PTPN3: variants seen among roughly 807,000 people sequenced by gnomAD.
The protein encoded by PTPN3 is protein tyrosine phosphatase non-receptor type 3.
A neutral mutation model predicts 132.7 loss-of-function variants in PTPN3; 96 were observed. The ratio of observed to expected loss-of-function variants is 0.72; its 90% CI spans 0.61 to 0.86. PTPN3 has a LOEUF of 0.86. PTPN3 is among the 40% of genes least tolerant of loss of function. The probability of loss-of-function intolerance (pLI) is 0.00; values close to 1 mark genes in which losing one functional copy is unlikely to be tolerated. For missense variants in PTPN3, 1,125 were observed against 1,159.6 expected, an observed-to-expected ratio of 0.97 and a Z score of 0.43; for synonymous variants, 398 against 429.0, an observed-to-expected ratio of 0.93 and a Z score of 0.89.
chr9:109,425,571 C>T (rs1364389331), intron 12 of PTPN3, among the ~76,000 whole-genome samples: 3 of 151,690 alleles, frequency 2.0e-5, no homozygotes, highest in East Asian at 1.9e-4. Context: ...ATCAGCTGGG[C>T]GTGGTGGTGG....
the PTPN3 span, among the ~76,000 whole-genome samples, chr9:109,521,251 C>T: frequency 2.6e-5 from 4 of 152,186 alleles, no homozygotes; most frequent in African/African-American, 4.8e-5. Context: ...CTCCACCTCC[C>T]AGGCTCAAGC....
chr9:109,388,041 C>T lies in PTPN3; in HGVS notation c.2253+1192G>A, dbSNP rs376918161. Among the ~76,000 whole-genome samples the T allele has an allele frequency of 1.6e-3, 241 of 152,184 alleles. 1 individual carries two copies. Among genetic ancestry groups the T allele is most frequent in the African/African-American group, 5.5e-3 (230 of 41,524 alleles). ...AGAGTAGCACAGCGAGGCTGGGGAG[C>T]GGGGGTGGACTCCAGCCAGCTGCAC... On this transcript the variant is annotated intron_variant, in intron 22 of 25. Transcript: ENST00000374541.
chr9:109,519,413 G>A, the PTPN3 span, among the ~76,000 whole-genome samples: 7 of 152,226 alleles, frequency 4.6e-5, no homozygotes, highest in Non-Finnish European at 8.8e-5. Flanking sequence ...TGTATTAAAT[G>A]TATTTTTGAC....
chr9:109,461,976 G>A (rs1845863828), intron 2 of PTPN3, among the ~76,000 whole-genome samples: 1 of 152,150 alleles, frequency 6.6e-6, no homozygotes. Flanking sequence ...TTAGACTTTG[G>A]AGACACCTAA....
chr9:109,504,830 T>C, the PTPN3 span, among the ~76,000 whole-genome samples: 2 of 152,212 alleles, frequency 1.3e-5, no homozygotes, highest in Non-Finnish European at 2.9e-5. Flanking sequence ...CGATGAGACA[T>C]GCAGAGAGTG....
In PTPN3 at chr9:109,403,451, T is replaced by C. The variant is rs571675737; in HGVS notation, c.1953+997A>G. On this transcript the variant is annotated intron_variant, in intron 19 of 25. Transcript: ENST00000374541. Reference sequence around the variant, plus strand: ...GAACCCAGACTGTTGTTATTTCTAATGATGATCTATTTTCTTTTGTTGACC... The same window carrying C: ...GAACCCAGACTGTTGTTATTTCTAACGATGATCTATTTTCTTTTGTTGACC... 1.2e-4 allele frequency among the ~76,000 whole-genome samples: 19 copies of C among 152,364 alleles called. No homozygotes were observed. In the East Asian group the frequency reaches 2.9e-3, roughly 23 times the overall value.
chr9:109,425,906 C>T (rs1466087330), intron 12 of PTPN3, among the ~76,000 whole-genome samples: 14 of 149,672 alleles, frequency 9.4e-5, no homozygotes, highest in Non-Finnish European at 1.6e-4. Context: ...CCTAGCTACT[C>T]GGGAGGCTGA....
the PTPN3 span, among the ~76,000 whole-genome samples, chr9:109,518,314 C>A: frequency 6.6e-6 from 1 of 152,214 alleles, no homozygotes; most frequent in Non-Finnish European, 1.5e-5. Flanking sequence ...GAAAAGAACT[C>A]AGACATGGCA....
At chr9:109,499,878 G>C (rs1847835353), upstream of PTPN3, among the ~76,000 whole-genome samples, 1 of 152,146 alleles carries the variant, frequency 6.6e-6, no homozygotes, top group Non-Finnish European at 1.5e-5. Context: ...GCCTCGAGTC[G>C]CCAGCAAAAC....
chr9:109,408,592 G>A (rs1424364727), intron 16 of PTPN3, among the ~76,000 whole-genome samples: 1 of 151,550 alleles, frequency 6.6e-6, no homozygotes, highest in African/African-American at 2.4e-5. Flanking sequence ...GATCCAGCGG[G>A]CTGACCAGGA....
In PTPN3 at chr9:109,438,172, T is replaced by C. The variant is rs145013735; in HGVS notation, c.529A>G (p.Ile177Val). 30 of 1,613,632 alleles carry C rather than the reference T, an allele frequency of 1.9e-5. No individual in the cohort carries two copies. Among genetic ancestry groups the C allele is most frequent in the Admixed American group, 5.0e-5 (3 of 60,008 alleles). ...AAAAAGTCCTCATTTTGATCGGGTA[T>C]AAAGTGACTATCGGAAAGATAGCCT... ...HPGYLSDSHF[I>V]PDQNEDFLTK... The change falls in exon 8 of 26, where the codon ATA (isoleucine) becomes GTA (valine). Residue 177 changes from isoleucine to valine, a missense_variant. Transcript: ENST00000374541.
chr9:109,436,758 C>T, intron 9 of PTPN3, 125 bp downstream of exon 9: 1 of 1,376,668 alleles, frequency 7.3e-7, no homozygotes, highest in Non-Finnish European at 9.5e-7. Flanking sequence ...AATAAACCTT[C>T]CAAATATCTT....
At chr9:109,528,857 A>C in the PTPN3 span, among the ~76,000 whole-genome samples, 2 of 151,976 alleles carry the variant, frequency 1.3e-5, no homozygotes, top group Non-Finnish European at 2.9e-5. Context: ...GTACATATCT[A>C]ATCATCTTAA....
chr9:109,376,070 A>T lies in PTPN3; in HGVS notation c.*3486T>A, dbSNP rs1001245373. 6.6e-6 allele frequency: 1 copy of T among 152,268 alleles called. No individual in the cohort carries two copies. The highest frequency in any genetic ancestry group is 6.5e-5 in the Admixed American group (1 of 15,288). The allele number at this position is 152,268 out of a possible 1,614,324, so 9.4% of individuals were successfully genotyped here. On this transcript the variant is annotated 3_prime_UTR_variant, in exon 26 of 26. Transcript: ENST00000374541. Reference sequence around the variant, plus strand: ...GGACAAACTCTTGGTGACAAGTCTCAGAAATGTGACATGTCTCTGTAGCAG... The same window carrying T: ...GGACAAACTCTTGGTGACAAGTCTCTGAAATGTGACATGTCTCTGTAGCAG...
chr9:109,446,691 C>T (rs913075941), intron 6 of PTPN3, among the ~76,000 whole-genome samples: 1 of 152,068 alleles, frequency 6.6e-6, no homozygotes, highest in African/African-American at 2.4e-5. Flanking sequence ...GAGGAGGTTC[C>T]CTCTAGATGG....
At chr9:109,532,961 T>C in the PTPN3 span, 3 of 471,534 alleles carry the variant, frequency 6.4e-6, no homozygotes, top group South Asian at 4.9e-5. Flanking sequence ...TTTTTTTTTT[T>C]TTTTTTTTTT....
intron 2 of PTPN3, among the ~76,000 whole-genome samples, chr9:109,457,986 G>A (rs1046685341): frequency 2.0e-5 from 3 of 152,226 alleles, no homozygotes; most frequent in African/African-American, 7.2e-5. Flanking sequence ...GAGAAGCTGA[G>A]GGGCACGTTC....
rs1258847302 is a variant in PTPN3 at position 109,445,240 on chromosome 9, A to G, written c.466T>C (p.Ser156Pro). 1.9e-6 allele frequency: 3 copies of G among 1,613,124 alleles called. No individual in the cohort carries two copies. Among genetic ancestry groups the G allele is most frequent in the Admixed American group, 1.7e-5 (1 of 60,024 alleles). ...GTGAAATGCTCCCTTTGTGACTTAC[A>G]TTGTACGGCATAGGACGCTAGAACC... Reference protein sequence around the residue: ...AVVLASYAVQSHFGDYNSSIH... With the variant: ...AVVLASYAVQPHFGDYNSSIH... The change falls in exon 7 of 26, where the codon TCT (serine) becomes CCT (proline). Residue 156 changes from serine (S) to proline (P), a missense_variant and splice_region_variant. Physicochemically the swap from Ser to Pro is moderately conservative, Grantham distance 74. Transcript: ENST00000374541.
chr9:109,471,176 C>T (rs1246614255), intron 1 of PTPN3, among the ~76,000 whole-genome samples: 18 of 151,944 alleles, frequency 1.2e-4, no homozygotes, highest in Admixed American at 1.2e-3. Context: ...TGTGCCTCAG[C>T]CTCCCGAGTA....
Sources: allele counts gnomAD v4.1 joint callset (sites outside exome capture counted in the v4.1 genomes callset), GRCh38; gene constraint gnomAD v4.1.1; transcripts MANE v1.5; gene names NCBI Gene and HGNC (gene_info 2026-07-23, HGNC 2026-07-21).